RAB5IF: variants seen among roughly 807,000 people sequenced by gnomAD.
RAB5IF encodes GEL complex subunit OPTI.
A neutral mutation model predicts 20.3 loss-of-function variants in RAB5IF; 15 were observed. That is an observed-to-expected ratio of 0.74 (90% CI 0.50 to 1.14). The LOEUF is 1.14. RAB5IF is among the 50% of genes most tolerant of loss of function. The probability of loss-of-function intolerance (pLI) is 0.00; values close to 1 mark genes in which losing one functional copy is unlikely to be tolerated. For missense variants in RAB5IF, 148 were observed against 159.5 expected (o/e 0.93, Z 0.39); for synonymous variants, 67 against 63.7 (o/e 1.05, Z -0.25).
At chr20:36,607,461 A>G (rs956369620) in intron 1 of RAB5IF, among the ~76,000 whole-genome samples, 1 of 151,896 alleles carries the variant, frequency 6.6e-6, no homozygotes, top group Non-Finnish European at 1.5e-5. Flanking sequence ...AACTCCTGAC[A>G]TCAGGTGATC....
At chr20:36,607,245 A>T (rs998130151) in intron 1 of RAB5IF, among the ~76,000 whole-genome samples, 18 of 147,836 alleles carry the variant, frequency 1.2e-4, no homozygotes, top group African/African-American at 3.2e-4. Flanking sequence ...TCGCTTAATG[A>T]TGTCTAAATG....
Position 36,605,899 on chromosome 20 carries a change from C to T in RAB5IF, c.-53C>T. ...GACCTGCGACCCTAGACCCCGACTC[C>T]CTTTGGCTCAGCCCGCGCGCCCCAG... On this transcript the variant is annotated 5_prime_UTR_variant, in exon 1 of 4. Transcript: ENST00000344795. The T allele has an allele frequency of 8.6e-7, 1 of 1,163,530 alleles. No individual in the cohort carries two copies. The highest frequency in any genetic ancestry group is 3.7e-5 in the Admixed American group (1 of 27,030). 72.1% of individuals were successfully genotyped at this position (1,163,530 alleles called of 1,614,324 possible). A position where few individuals can be genotyped will look rare whatever the true frequency, so the allele number is the denominator to read the frequency against.
At position 36,612,244 on chromosome 20, in the gene RAB5IF, C is replaced by G; in HGVS notation, c.*193C>G. On this transcript the variant is annotated 3_prime_UTR_variant, in exon 4 of 4. Transcript: ENST00000344795. ...CCTGAAACTTTTTAAAAACCACCCA[C>G]CTTTGGGGAAGCATTTCTGAATTTA... 4 of 1,606,654 alleles carry G rather than the reference C, an allele frequency of 2.5e-6. No homozygotes were observed. The highest frequency in any genetic ancestry group is 2.6e-6 in the Non-Finnish European group (3 of 1,173,296).
chr20:36,608,362 A>G (rs772832401), intron 2 of RAB5IF, among the ~76,000 whole-genome samples: 5 of 152,018 alleles, frequency 3.3e-5, no homozygotes, highest in Non-Finnish European at 5.9e-5. Context: ...TTCCTGCCTC[A>G]GCCTCCTAAG....
rs1392900963 is a variant in RAB5IF at position 36,612,100 on chromosome 20, G to A, written c.*49G>A. 7 of 1,614,182 alleles carry A rather than the reference G, an allele frequency of 4.3e-6. No homozygotes were observed. The highest frequency in any genetic ancestry group is 5.1e-6 in the Non-Finnish European group (6 of 1,180,040). ...CCTATCCAGTCCAAAGGACCCTCTT[G>A]ATTACAGCACAGGAACTTGATCGTT... On this transcript the variant is annotated 3_prime_UTR_variant, in exon 4 of 4. Coordinates refer to ENST00000344795, the MANE Select transcript of RAB5IF (RefSeq NM_018840.5).
At chr20:36,607,928 A>G (rs1276209857) in intron 2 of RAB5IF, 110 bp downstream of exon 2, 1 of 1,539,818 alleles carries the variant, frequency 6.5e-7, no homozygotes, top group Non-Finnish European at 8.8e-7. Flanking sequence ...TGTGTGTGTG[A>G]TGACTAAAGC....
chr20:36,609,233 A>ACACACACACACACACACACACACACACC, intron 2 of RAB5IF, among the ~76,000 whole-genome samples: 1 of 126,970 alleles, frequency 7.9e-6, no homozygotes, highest in Non-Finnish European at 1.6e-5. Context: ...ACACACACAC[A>ACACACACACACACACACACACACACACC]CACACACACA....
intron 2 of RAB5IF, 65 bp downstream of exon 2, chr20:36,607,883 G>C (rs754798915): frequency 6.3e-7 from 1 of 1,599,310 alleles, no homozygotes; most frequent in Non-Finnish European, 8.5e-7. Flanking sequence ...TTTTTTTCCT[G>C]TTACAGGAAA....
chr20:36,607,674 C>T (rs1176530298), intron 1 of RAB5IF, 41 bp from the exon 2 acceptor site: 1 of 1,610,432 alleles, frequency 6.2e-7, no homozygotes, highest in Admixed American at 1.7e-5. Context: ...TCTTGTGGCA[C>T]CCACTCCAGA....
chr20:36,609,500 A>G (rs1383881510), intron 2 of RAB5IF, 101 bp from the exon 3 acceptor site: 1 of 1,469,262 alleles, frequency 6.8e-7, no homozygotes, highest in Non-Finnish European at 9.0e-7. Context: ...TCAGCCTCCC[A>G]AAGTGCTGGG....
At chr20:36,608,277 C>CTT (rs1352927163) in intron 2 of RAB5IF, 1 of 249,232 alleles carries the variant, frequency 4.0e-6, no homozygotes, top group Non-Finnish European at 8.1e-6. Flanking sequence ...TAGGGCCGCA[C>CTT]TTTGTTGCCC....
chr20:36,609,767 C>G (rs775115534), intron 3 of RAB5IF, 37 bp downstream of exon 3: 2 of 1,613,866 alleles, frequency 1.2e-6, no homozygotes, highest in African/African-American at 2.7e-5. Flanking sequence ...AGGTACTGTT[C>G]ATTTCATGAG....
At chr20:36,610,333 A>G (rs569772466) in intron 3 of RAB5IF, among the ~76,000 whole-genome samples, 6 of 152,308 alleles carry the variant, frequency 3.9e-5, no homozygotes, top group African/African-American at 1.4e-4. Flanking sequence ...AAGTACAAAC[A>G]GTCCAAATGA....
intron 2 of RAB5IF, among the ~76,000 whole-genome samples, chr20:36,609,144 GGAGAAC>G: frequency 8.6e-6 from 1 of 116,946 alleles, no homozygotes; most frequent in Admixed American, 9.8e-5. Flanking sequence ...AAGGGGCTTT[GGAGAAC>G]TATATTACAC....
chr20:36,607,476 C>T (rs990347594), intron 1 of RAB5IF, among the ~76,000 whole-genome samples: 6 of 152,044 alleles, frequency 3.9e-5, no homozygotes, highest in Admixed American at 1.3e-4. Flanking sequence ...GTGATCCACC[C>T]GCCTCGGCCT....
Position 36,609,211 on chromosome 20 carries a change from G to C in RAB5IF, c.219-390G>C, listed in dbSNP as rs1291175. 8.2e-5 allele frequency among the ~76,000 whole-genome samples: 3 copies of C among 36,586 alleles called. 1 individual carries two copies. Among genetic ancestry groups the C allele is most frequent in the East Asian group, 1.9e-3 (2 of 1,058 alleles). 24.0% of individuals were successfully genotyped at this position (36,586 alleles called of 152,430 possible). On this transcript the variant is annotated intron_variant, in intron 2 of 3. Transcript: ENST00000344795. ...CACACACACGCACACACGCACACAC[G>C]CACACACGCACACACACACACACAC...
In RAB5IF at chr20:36,607,741, G is replaced by T; in HGVS notation, c.141G>T (p.Trp47Cys). Residue 47 changes from tryptophan (W) to cysteine (C), a missense_variant, in exon 2 of 4, where the codon TGG (tryptophan) becomes TGT (cysteine). Coordinates refer to ENST00000344795, the MANE Select transcript of RAB5IF (RefSeq NM_018840.5). ...ATGAATTTTTAGATGTGATCTACTG[G>T]TTCCGACAGATCATTGCTGTGGTCC... ...DKDEFLDVIY[W>C]FRQIIAVVLG... 2.5e-6 allele frequency: 4 copies of T among 1,614,060 alleles called. No homozygotes were observed. The highest frequency in any genetic ancestry group is 3.4e-6 in the Non-Finnish European group (4 of 1,179,956).
intron 3 of RAB5IF, among the ~76,000 whole-genome samples, chr20:36,610,563 C>T (rs950666395): frequency 3.3e-5 from 5 of 152,064 alleles, no homozygotes; most frequent in Admixed American, 6.6e-5. Flanking sequence ...GGCATGGTGG[C>T]GGGCGCCTGT....
chr20:36,610,468 G>A (rs1568596548), intron 3 of RAB5IF, among the ~76,000 whole-genome samples: 1 of 152,072 alleles, frequency 6.6e-6, no homozygotes, highest in Admixed American at 6.6e-5. Context: ...TTGGGAGGCC[G>A]AGGCGGGCAG....
Sources: allele counts gnomAD v4.1 joint callset (sites outside exome capture counted in the v4.1 genomes callset), GRCh38; gene constraint gnomAD v4.1.1; transcripts MANE v1.5; gene names NCBI Gene and HGNC (gene_info 2026-07-23, HGNC 2026-07-21).